The following PSMB6 variants were observed in gnomAD, a reference collection of about 807,000 sequenced individuals.
PSMB6 encodes the protein proteasome subunit beta type-6.
A neutral mutation model predicts 28.2 loss-of-function variants in PSMB6; 11 were observed. The ratio of observed to expected loss-of-function variants is 0.39; its 90% CI spans 0.25 to 0.65. The LOEUF (loss-of-function observed/expected upper bound fraction) is 0.65, where lower values mean the gene tolerates loss of function less well. Among genes scored for constraint, PSMB6 ranks in the 30% least tolerant of loss-of-function variants. The probability of loss-of-function intolerance (pLI) is 0.48; values close to 1 mark genes in which losing one functional copy is unlikely to be tolerated. For synonymous variants in PSMB6, 126 were observed against 117.7 expected, an observed-to-expected ratio of 1.07 and a Z score of -0.45; for missense variants, 268 against 319.4, an observed-to-expected ratio of 0.84 and a Z score of 1.23.
intron 2 of PSMB6, chr17:4,797,237 C>G (rs1294112099): frequency 3.3e-6 from 2 of 602,644 alleles, no homozygotes; most frequent in Admixed American, 7.2e-5. Flanking sequence ...ATCGCTTGGA[C>G]CCAGGAGGTG....
chr17:4,797,661 G>T (rs372020046), intron 3 of PSMB6, 21 bp from the exon 4 acceptor site: 72 of 1,611,852 alleles, frequency 4.5e-5, no homozygotes, highest in Non-Finnish European at 6.0e-5. Flanking sequence ...AACTTTCTCT[G>T]TGACTTCCCT....
In PSMB6 at chr17:4,796,207, T is replaced by C. The variant is rs2045546159; in HGVS notation, c.13T>C (p.Leu5=). 2 of 1,586,956 alleles carry C rather than the reference T, an allele frequency of 1.3e-6. No homozygotes were observed. Among genetic ancestry groups the C allele is most frequent in the Non-Finnish European group, 1.7e-6 (2 of 1,166,460 alleles). MAAT[L]LAARGAGPAP... is the part of the protein sequence containing the mutation. ...CCGGAGGAGAAAGATGGCGGCTACC[T>C]TACTAGCTGCTCGGGGAGCCGGGCC... Residue 5 remains leucine (L), a synonymous_variant, in exon 1 of 6, where the codon TTA becomes CTA. Transcript: ENST00000270586.
chr17:4,797,893 C>T, intron 4 of PSMB6, 82 bp downstream of exon 4: 1 of 1,605,078 alleles, frequency 6.2e-7, no homozygotes, highest in African/African-American at 1.3e-5. Flanking sequence ...TTTCCAGTCT[C>T]TACCTCACTT....
At position 4,796,787 on chromosome 17, in the gene PSMB6, A is replaced by C. The variant is rs1905343145; in HGVS notation, c.162A>C (p.Thr54=). 5 of 1,600,470 alleles carry C rather than the reference A, an allele frequency of 3.1e-6. No individual in the cohort carries two copies. Among genetic ancestry groups the C allele is most frequent in the Admixed American group, 1.7e-5 (1 of 59,974 alleles). The part of the protein sequence containing the change: ...GGVVLGADSR[T]TTGSYIANRV... ...TGGTTCTGGGGGCGGACTCCAGAAC[A>C]ACCACTGGGTGAGCTCAGGACAGAT... Residue 54 remains threonine, a synonymous_variant, in exon 2 of 6, where the codon ACA becomes ACC. Transcript: ENST00000270586.
chr17:4,798,172 G>A lies in PSMB6; in HGVS notation c.577+19G>A, dbSNP rs1180737762. 3.7e-6 allele frequency: 6 copies of A among 1,614,028 alleles called. No individual in the cohort carries two copies. Among genetic ancestry groups the A allele is most frequent in the Non-Finnish European group, 5.1e-6 (6 of 1,179,928 alleles). ...GCCAATGGTGAGAGCTTAGGCTTCT[G>A]GGCCTATGAGCTTCAACCCCAACTA... On this transcript the variant is annotated intron_variant, in intron 5 of 5. Transcript: ENST00000270586.
rs1443496514 is a variant in PSMB6, at chr17:4,797,469, C to G, written c.202C>G (p.Leu68Val). ...SYIANRVTDK[L>V]TPIHDRIFCC... is the part of the protein sequence containing the mutation. The stretch of plus-strand genomic sequence containing the variant: ...CATCGCCAATCGAGTGACTGACAAG[C>G]TGACACCTATTCACGACCGCATTTT... The change falls in exon 3 of 6, where the codon CTG becomes GTG. Residue 68 changes from leucine (L) to valine (V), a missense_variant. Coordinates refer to ENST00000270586, the MANE Select transcript of PSMB6 (RefSeq NM_002798.3). The G allele has an allele frequency of 6.3e-7, 1 of 1,592,490 alleles. No individual in the cohort carries two copies. Among genetic ancestry groups the G allele is most frequent in the Non-Finnish European group, 8.6e-7 (1 of 1,166,098 alleles).
Position 4,796,278 on chromosome 17 carries a change from C to T in PSMB6, c.84C>T (p.Ser28=). 1.3e-6 allele frequency: 2 copies of T among 1,581,910 alleles called. No individual in the cohort carries two copies. The highest frequency in any genetic ancestry group is 8.6e-7 in the Non-Finnish European group (1 of 1,163,582). The part of the protein sequence containing the change: ...GPEAFTPDWE[S]REVSTGTTIM... ...AGGCGTTCACTCCAGACTGGGAAAG[C>T]CGAGAAGTTTCCACTGGGGTGAGGA... The change falls in exon 1 of 6, where the codon AGC becomes AGT. Residue 28 remains serine (S), a synonymous_variant. Transcript: ENST00000270586.
In PSMB6 at chr17:4,798,470, A is replaced by T. The variant is rs1370672837; in HGVS notation, c.*48A>T. 1 of 1,549,738 alleles carries T rather than the reference A, an allele frequency of 6.5e-7. No homozygotes were observed. The highest frequency in any genetic ancestry group is 2.3e-5 in the East Asian group (1 of 44,070). Reference sequence around the variant, plus strand: ...TAAGAGATGCCCTGTACTGATGCAAAATTTAATAAAGTTTGTCACAGAGAA... The same window carrying T: ...TAAGAGATGCCCTGTACTGATGCAATATTTAATAAAGTTTGTCACAGAGAA... On this transcript the variant is annotated 3_prime_UTR_variant, in exon 6 of 6. Coordinates refer to ENST00000270586, the MANE Select transcript of PSMB6 (RefSeq NM_002798.3).
rs143389701 is a variant in PSMB6 at position 4,798,396 on chromosome 17, G to A, written c.694G>A (p.Ala232Thr). Residue 232 changes from alanine to threonine, a missense_variant, in exon 6 of 6, where the codon GCC (alanine) becomes ACC (threonine). Coordinates refer to ENST00000270586, the MANE Select transcript of PSMB6 (RefSeq NM_002798.3). ...TTTGGGAGACCAGATACCCAAATTC[G>A]CCGTTGCCACTTTACCACCCGCCTG... ...VLLGDQIPKF[A>T]VATLPPA The A allele has an allele frequency of 2.8e-5, 45 of 1,614,158 alleles. 1 individual carries two copies. Among genetic ancestry groups the A allele is most frequent in the South Asian group, 2.4e-4 (22 of 91,088 alleles).
In PSMB6 at chr17:4,798,285, G is replaced by C. The variant is rs553921552; in HGVS notation, c.583G>C (p.Ala195Pro). 1 of 1,614,080 alleles carries C rather than the reference G, an allele frequency of 6.2e-7. No homozygotes were observed. Among genetic ancestry groups the C allele is most frequent in the South Asian group, 1.1e-5 (1 of 91,080 alleles). The change falls in exon 6 of 6, where the codon GCT becomes CCT. Residue 195 changes from alanine to proline, a missense_variant. By Grantham distance (27) the Ala-to-Pro change is conservative. Coordinates refer to ENST00000270586, the MANE Select transcript of PSMB6 (RefSeq NM_002798.3). Reference sequence around the variant, plus strand: ...CTTTCTTCTTTTATCCACAGCTCTCGCTTTGGCCATGGAGCGGGATGGCTC... The same window carrying C: ...CTTTCTTCTTTTATCCACAGCTCTCCCTTTGGCCATGGAGCGGGATGGCTC... Reference protein sequence around the residue: ...ECLQFTANALALAMERDGSSG... With the variant: ...ECLQFTANALPLAMERDGSSG...
At position 4,797,905 on chromosome 17, in the gene PSMB6, T is replaced by C. The variant is rs558622273; in HGVS notation, c.432+94T>C. Reference sequence around the variant, plus strand: ...TTCTTTCCAGTCTCTACCTCACTTATTCTTACTATTAACGTGCCTCAGACC... The same window carrying C: ...TTCTTTCCAGTCTCTACCTCACTTACTCTTACTATTAACGTGCCTCAGACC... On this transcript the variant is annotated intron_variant, in intron 4 of 5. Transcript: ENST00000270586. The C allele has an allele frequency of 2.1e-5, 33 of 1,603,564 alleles. No individual in the cohort carries two copies. In the African/African-American group the frequency reaches 3.7e-4, roughly 18 times the overall value.
chr17:4,797,139 C>T lies in PSMB6; in HGVS notation c.171-299C>T, dbSNP rs960687258. 7.0e-6 allele frequency: 3 copies of T among 430,260 alleles called. No individual in the cohort carries two copies. In the East Asian group the frequency reaches 1.3e-4, roughly 19 times the overall value. 26.7% of individuals were successfully genotyped at this position (430,260 alleles called of 1,614,324 possible). A position where few individuals can be genotyped will look rare whatever the true frequency, so the allele number is the denominator to read the frequency against. On this transcript the variant is annotated intron_variant, in intron 2 of 5. Transcript: ENST00000270586. Reference sequence around the variant, plus strand: ...GACCAGCCTGGCCAACATGGCGAAACCCCGTCTCTACTAAAAAATACAAAA... The same window carrying T: ...GACCAGCCTGGCCAACATGGCGAAATCCCGTCTCTACTAAAAAATACAAAA...
Position 4,796,797 on chromosome 17 carries a change from T to A in PSMB6, c.170+2T>A. 1 of 1,592,148 alleles carries A rather than the reference T, an allele frequency of 6.3e-7. No individual in the cohort carries two copies. On this transcript the variant is annotated splice_donor_variant, in intron 2 of 5. Transcript: ENST00000270586. LOFTEE classifies it high-confidence loss of function. ...GGCGGACTCCAGAACAACCACTGGGTGAGCTCAGGACAGATTTGTGAAAGG... is the reference window on the plus strand; with the variant it reads ...GGCGGACTCCAGAACAACCACTGGGAGAGCTCAGGACAGATTTGTGAAAGG...
rs372020046 is a variant in PSMB6, at chr17:4,797,661, G to A, written c.303-21G>A. On this transcript the variant is annotated intron_variant, in intron 3 of 5. Coordinates refer to ENST00000270586, the MANE Select transcript of PSMB6 (RefSeq NM_002798.3). ...ACTTCTAGGTCTTGAAACTTTCTCTGTGACTTCCCTGACCCTCTAGCATTG... is the reference window on the plus strand; with the variant it reads ...ACTTCTAGGTCTTGAAACTTTCTCTATGACTTCCCTGACCCTCTAGCATTG... The A allele has an allele frequency of 9.3e-6, 15 of 1,611,852 alleles. No homozygotes were observed. The East Asian group carries it at 3.1e-4, about 34-fold the overall frequency.
intron 4 of PSMB6, 73 bp from the exon 5 acceptor site, chr17:4,797,936 C>T (rs1260755443): frequency 1.2e-6 from 2 of 1,604,392 alleles, no homozygotes; most frequent in Non-Finnish European, 1.7e-6. Flanking sequence ...AGACCAATAG[C>T]AGAATGGACA....
In PSMB6 at chr17:4,797,824, C is replaced by T. The variant is rs1438361675; in HGVS notation, c.432+13C>T. ...AGAAGGAGGGCAGGTCAGATCCCCA[C>T]CCGACCAGAGCACACTTGAGCCAGG... On this transcript the variant is annotated intron_variant, in intron 4 of 5. Transcript: ENST00000270586. 2 of 1,613,894 alleles carry T rather than the reference C, an allele frequency of 1.2e-6. No homozygotes were observed. Among genetic ancestry groups the T allele is most frequent in the Non-Finnish European group, 1.7e-6 (2 of 1,179,908 alleles).
In PSMB6 at chr17:4,798,361, G is replaced by A. The variant is rs755217976; in HGVS notation, c.659G>A (p.Arg220Gln). 1.7e-4 allele frequency: 273 copies of A among 1,614,088 alleles called. No homozygotes were observed. Among genetic ancestry groups the A allele is most frequent in the Non-Finnish European group, 2.2e-4 (256 of 1,180,054 alleles). The change falls in exon 6 of 6, where the codon CGG (arginine) becomes CAG (glutamine). Residue 220 changes from arginine (R) to glutamine (Q), a missense_variant. Transcript: ENST00000270586. ...LAAIAESGVE[R>Q]QVLLGDQIPK... ...GCCATTGCAGAGTCAGGGGTAGAGC[G>A]GCAAGTACTTTTGGGAGACCAGATA... is the stretch of plus-strand genomic sequence containing the variant.
rs916488743 is a variant in PSMB6, at chr17:4,797,170, C to T, written c.171-268C>T. 1.7e-5 allele frequency: 8 copies of T among 460,058 alleles called. No individual in the cohort carries two copies. In the East Asian group the frequency reaches 2.8e-4, roughly 16 times the overall value. 28.5% of individuals were successfully genotyped at this position (460,058 alleles called of 1,614,324 possible). On this transcript the variant is annotated intron_variant, in intron 2 of 5. Transcript: ENST00000270586. ...CTCTACTAAAAAATACAAAAATTAG[C>T]CGTGCGTGGCGGTGCGTGCCTGCAG... is the stretch of plus-strand genomic sequence containing the variant.
At position 4,798,405 on chromosome 17, in the gene PSMB6, A is replaced by G. The variant is rs575136248; in HGVS notation, c.703A>G (p.Thr235Ala). Residue 235 changes from threonine to alanine, a missense_variant, in exon 6 of 6, where the codon ACT becomes GCT. By Grantham distance (58) the Thr-to-Ala change is moderately conservative (BLOSUM62 0). Coordinates refer to ENST00000270586, the MANE Select transcript of PSMB6 (RefSeq NM_002798.3). ...CCAGATACCCAAATTCGCCGTTGCC[A>G]CTTTACCACCCGCCTGAATCCTGGG... ...GDQIPKFAVA[T>A]LPPA 13 of 1,614,152 alleles carry G rather than the reference A, an allele frequency of 8.1e-6. No homozygotes were observed. The East Asian group carries it at 1.8e-4, about 22-fold the overall frequency.
Sources: allele counts gnomAD v4.1 joint callset, GRCh38; gene constraint gnomAD v4.1.1; transcripts MANE v1.5; gene names NCBI Gene and HGNC (gene_info 2026-07-23, HGNC 2026-07-21).